PPIL3: variants seen among roughly 807,000 people sequenced by gnomAD.
PPIL3 encodes the protein peptidyl-prolyl cis-trans isomerase-like 3.
PPIL3 carries 13 observed loss-of-function variants against 20.9 expected under a neutral mutation model. The ratio of observed to expected loss-of-function variants is 0.62; its 90% CI spans 0.40 to 0.99. The LOEUF is 0.99. Among genes scored for constraint, PPIL3 ranks in the 50% least tolerant of loss-of-function variants. The probability of loss-of-function intolerance (pLI) is 0.00; values close to 1 mark genes in which losing one functional copy is unlikely to be tolerated. For missense variants in PPIL3, 170 were observed against 195.2 expected (o/e 0.87, Z 0.77); for synonymous variants, 71 against 64.4 (o/e 1.10, Z -0.49).
intron 5 of PPIL3, among the ~76,000 whole-genome samples, chr2:200,880,427 T>C (rs1575106954): frequency 1.3e-5 from 2 of 150,062 alleles, no homozygotes; most frequent in African/African-American, 2.5e-5. Context: ...TTTTTTTGAG[T>C]GGGGTCTCGT....
intron 6 of PPIL3, among the ~76,000 whole-genome samples, chr2:200,875,288 A>G (rs2105760703): frequency 6.6e-6 from 1 of 150,378 alleles, no homozygotes; most frequent in African/African-American, 2.5e-5. Context: ...TTTTTTTTTG[A>G]GACGGAGTCT....
In PPIL3 at chr2:200,876,953, G is replaced by A. The variant is rs746741181; in HGVS notation, c.325C>T (p.Pro109Ser). 2.5e-6 allele frequency: 4 copies of A among 1,613,028 alleles called. No homozygotes were observed. The highest frequency in any genetic ancestry group is 3.4e-6 in the Non-Finnish European group (4 of 1,179,142). ...ACGGTGTATTTCATGTCCAAATGTG[G>A]CTGTTTGCCATAGGTGATGAAGAAC... ...SQFFITYGKQ[P>S]HLDMKYTVFG... Residue 109 changes from proline (P) to serine (S), a missense_variant, in exon 6 of 7, where the codon CCA (proline) becomes TCA (serine). Coordinates refer to ENST00000392283, the MANE Select transcript of PPIL3 (RefSeq NM_130906.3).
chr2:200,871,092 C>T lies in PPIL3; in HGVS notation c.*303G>A. On this transcript the variant is annotated 3_prime_UTR_variant, in exon 7 of 7. Coordinates refer to ENST00000392283, the MANE Select transcript of PPIL3 (RefSeq NM_130906.3). ...GTGGGAGGAATATGTAATCAGGCCA[C>T]TCAAAAATGCCTGCACTTGAGGCTG... 1 of 192,290 alleles carries T rather than the reference C, an allele frequency of 5.2e-6. No individual in the cohort carries two copies. Among genetic ancestry groups the T allele is most frequent in the Non-Finnish European group, 1.1e-5 (1 of 94,556 alleles). The allele number at this position is 192,290 out of a possible 1,614,324, so 11.9% of individuals were successfully genotyped here.
At chr2:200,876,762 A>G (rs944150866) in intron 6 of PPIL3, among the ~76,000 whole-genome samples, 157 bp downstream of exon 6, 1 of 152,084 alleles carries the variant, frequency 6.6e-6, no homozygotes, top group Non-Finnish European at 1.5e-5. Flanking sequence ...ACCTCAGACA[A>G]TCTGCCCACC....
chr2:200,875,348 A>G (rs2039469442), intron 6 of PPIL3, among the ~76,000 whole-genome samples: 1 of 151,948 alleles, frequency 6.6e-6, no homozygotes, highest in Non-Finnish European at 1.5e-5. Flanking sequence ...GCTCACTGCA[A>G]TCTCCACCTC....
chr2:200,887,585 C>T (rs769215833), intron 2 of PPIL3, 28 bp downstream of exon 2: 3 of 1,550,258 alleles, frequency 1.9e-6, no homozygotes, highest in Admixed American at 3.5e-5. Context: ...TAATGAAAGA[C>T]ATTAGATAAA....
intron 6 of PPIL3, among the ~76,000 whole-genome samples, chr2:200,873,199 T>C (rs938507094): frequency 2.6e-5 from 4 of 151,084 alleles, no homozygotes; most frequent in South Asian, 2.1e-4. Flanking sequence ...TTCTTTCTTT[T>C]TTTTTTTTTT....
intron 4 of PPIL3, 200 bp from the exon 5 acceptor site, chr2:200,881,688 C>T (rs1239501198): frequency 7.5e-6 from 4 of 534,460 alleles, no homozygotes; most frequent in Non-Finnish European, 1.3e-5. Flanking sequence ...AAGAATAACC[C>T]TCCTTATAAA....
At chr2:200,871,972 C>T (rs2039320124) in intron 6 of PPIL3, among the ~76,000 whole-genome samples, 1 of 152,124 alleles carries the variant, frequency 6.6e-6, no homozygotes, top group Non-Finnish European at 1.5e-5. Context: ...GACAGGATCT[C>T]ACTGGGACTA....
At chr2:200,888,415 C>T (rs1200758253) in intron 1 of PPIL3, 1 of 154,252 alleles carries the variant, frequency 6.5e-6, no homozygotes, top group Non-Finnish European at 1.4e-5. Context: ...CACTAATATA[C>T]TATGAAATTC....
At chr2:200,884,555 T>G (rs1354547525) in intron 3 of PPIL3, among the ~76,000 whole-genome samples, 1 of 151,430 alleles carries the variant, frequency 6.6e-6, no homozygotes, top group Non-Finnish European at 1.5e-5. Context: ...TTGGGCAACA[T>G]AGTGAGATCT....
intron 5 of PPIL3, among the ~76,000 whole-genome samples, chr2:200,880,805 T>C (rs547910886): frequency 3.3e-5 from 5 of 151,016 alleles, no homozygotes; most frequent in Non-Finnish European, 7.4e-5. Flanking sequence ...TTTTTAAAAC[T>C]AGGCATGCAC....
At chr2:200,875,647 C>T (rs1425337018) in intron 6 of PPIL3, among the ~76,000 whole-genome samples, 1 of 151,704 alleles carries the variant, frequency 6.6e-6, no homozygotes, top group Non-Finnish European at 1.5e-5. Flanking sequence ...GATCTCAGCT[C>T]ATGCAGCCTG....
Position 200,871,332 on chromosome 2 carries a change from C to T in PPIL3, c.*63G>A, listed in dbSNP as rs1317878352. On this transcript the variant is annotated 3_prime_UTR_variant, in exon 7 of 7. Coordinates refer to ENST00000392283, the MANE Select transcript of PPIL3 (RefSeq NM_130906.3). ...ATGCAATCTCTGACATAATTAAAAC[C>T]GGGTAAACCACAATAAGTGTGTTCC... The T allele has an allele frequency of 4.5e-5, 67 of 1,483,002 alleles. No individual in the cohort carries two copies. Among genetic ancestry groups the T allele is most frequent in the South Asian group, 4.1e-4 (32 of 77,882 alleles). 91.9% of individuals were successfully genotyped at this position (1,483,002 alleles called of 1,614,324 possible).
At chr2:200,872,292 C>A (rs2039333244) in intron 6 of PPIL3, among the ~76,000 whole-genome samples, 1 of 152,072 alleles carries the variant, frequency 6.6e-6, no homozygotes, top group Admixed American at 6.6e-5. Flanking sequence ...AGGGCAAAGT[C>A]TGAGAGAGGG....
In PPIL3 at chr2:200,887,662, T is replaced by TA. The variant is rs749765329; in HGVS notation, c.-48dup. ...GAAGGACTACGTGATTTCTCAGTCT[T>TA]ACAGCGAGCTCAAAAATAAGTCTCT... is the stretch of plus-strand genomic sequence containing the variant. On this transcript the variant is annotated 5_prime_UTR_variant, in exon 2 of 7. Transcript: ENST00000392283. The TA allele has an allele frequency of 5.1e-6, 8 of 1,557,090 alleles. No individual in the cohort carries two copies. The East Asian group carries it at 6.8e-5, about 13-fold the overall frequency.
chr2:200,876,711 AG>A (rs2039529836), intron 6 of PPIL3, among the ~76,000 whole-genome samples: 3 of 151,996 alleles, frequency 2.0e-5, no homozygotes, highest in African/African-American at 4.8e-5. Context: ...TAGTAGAGAC[AG>A]GGGTTCTGCC....
chr2:200,878,130 T>G (rs984735861), intron 5 of PPIL3, among the ~76,000 whole-genome samples: 3 of 152,186 alleles, frequency 2.0e-5, no homozygotes, highest in Admixed American at 6.5e-5. Flanking sequence ...TAAATACACA[T>G]GTAATATTTA....
At chr2:200,883,891 T>C (rs2039828887) in intron 3 of PPIL3, among the ~76,000 whole-genome samples, 1 of 152,190 alleles carries the variant, frequency 6.6e-6, no homozygotes, top group Non-Finnish European at 1.5e-5. Flanking sequence ...GCCTCCCTTG[T>C]AGCTGGGACA....
Sources: allele counts gnomAD v4.1 joint callset (sites outside exome capture counted in the v4.1 genomes callset), GRCh38; gene constraint gnomAD v4.1.1; transcripts MANE v1.5; gene names NCBI Gene and HGNC (gene_info 2026-07-23, HGNC 2026-07-21).